PRKCI: variants seen among roughly 807,000 people sequenced by gnomAD.
PRKCI encodes protein kinase C iota.
PRKCI carries 43 observed loss-of-function variants against 84.0 expected under a neutral mutation model. That is an observed-to-expected ratio of 0.51 (90% CI 0.40 to 0.66). The LOEUF (loss-of-function observed/expected upper bound fraction) is 0.66. Among genes scored for constraint, PRKCI ranks in the 30% least tolerant of loss-of-function variants. The pLI is 0.00. For missense variants in PRKCI, 459 were observed against 745.6 expected (o/e 0.62, Z 4.48); for synonymous variants, 216 against 234.4 (o/e 0.92, Z 0.72).
At chr3:170,237,100 G>T (rs1188434557) in intron 2 of PRKCI, among the ~76,000 whole-genome samples, 1 of 152,176 alleles carries the variant, frequency 6.6e-6, no homozygotes, top group Non-Finnish European at 1.5e-5. Context: ...AGTTTTTGAG[G>T]TAGAGGAGGT....
intron 1 of PRKCI, among the ~76,000 whole-genome samples, chr3:170,232,695 G>A (rs1472236081): frequency 1.3e-5 from 2 of 151,858 alleles, no homozygotes; most frequent in East Asian, 3.9e-4. Flanking sequence ...CTGGGACTAC[G>A]CTATGCTTGG....
intron 3 of PRKCI, 121 bp downstream of exon 3, chr3:170,260,179 T>A: frequency 3.3e-6 from 2 of 611,440 alleles, no homozygotes; most frequent in Non-Finnish European, 5.5e-6. Flanking sequence ...GACTCATGCC[T>A]AAGTAATTGT....
Position 170,295,897 on chromosome 3 carries a change from T to G in PRKCI, c.1418-14T>G. ...TAAAAGTTAAATATAATACTATAAT[T>G]TTTATCTTTCTAGTTATTTTGGAAA... On this transcript the variant is annotated splice_polypyrimidine_tract_variant and intron_variant, in intron 14 of 17. Coordinates refer to ENST00000295797, the MANE Select transcript of PRKCI (RefSeq NM_002740.6). The G allele has an allele frequency of 6.8e-7, 1 of 1,479,856 alleles. No homozygotes were observed. The highest frequency in any genetic ancestry group is 1.3e-5 in the South Asian group (1 of 78,886). The allele number at this position is 1,479,856 out of a possible 1,614,324, so 91.7% of individuals were successfully genotyped here. A position where few individuals can be genotyped will look rare whatever the true frequency, so the allele number is the denominator to read the frequency against.
chr3:170,258,369 A>G (rs1378810438), intron 2 of PRKCI, among the ~76,000 whole-genome samples: 1 of 151,322 alleles, frequency 6.6e-6, no homozygotes, highest in African/African-American at 2.4e-5. Context: ...TCAGTAGCAC[A>G]ATCTTGACTC....
chr3:170,246,959 T>G (rs1242915557), intron 2 of PRKCI, among the ~76,000 whole-genome samples: 2 of 150,960 alleles, frequency 1.3e-5, no homozygotes. Flanking sequence ...GAAGTTTTTG[T>G]TTTTTTTTCT....
chr3:170,227,553 A>AT (rs1423879999), intron 1 of PRKCI, among the ~76,000 whole-genome samples: 21 of 152,174 alleles, frequency 1.4e-4, no homozygotes. Flanking sequence ...CTGGTGAATA[A>AT]TGATGTTAGG....
At chr3:170,270,048 T>G (rs9839371) in intron 5 of PRKCI, among the ~76,000 whole-genome samples, 12,344 of 152,202 alleles carry the variant, frequency 0.081, 1,203 homozygotes, top group African/African-American at 0.23. Flanking sequence ...CAGAGCTTTG[T>G]TTTGACCTCT....
At chr3:170,289,909 T>G (rs1468916447) in intron 12 of PRKCI, among the ~76,000 whole-genome samples, 1 of 149,294 alleles carries the variant, frequency 6.7e-6, no homozygotes, top group Non-Finnish European at 1.5e-5. Context: ...AAACTCCATC[T>G]TAAAAGAAGA....
chr3:170,275,165 T>C, intron 7 of PRKCI, 64 bp from the exon 8 acceptor site: 2 of 1,442,864 alleles, frequency 1.4e-6, no homozygotes, highest in Non-Finnish European at 1.8e-6. Flanking sequence ...TCATTAATGG[T>C]TGCTGTTTTT....
chr3:170,294,992 T>TTACCTTCA (rs2108866528), intron 14 of PRKCI, among the ~76,000 whole-genome samples: 1 of 149,970 alleles, frequency 6.7e-6, no homozygotes, highest in South Asian at 2.1e-4. Flanking sequence ...GGCGGATCAC[T>TTACCTTCA]TGAGGTTAGG....
intron 6 of PRKCI, among the ~76,000 whole-genome samples, chr3:170,271,799 T>C (rs1163543537): frequency 6.6e-6 from 1 of 152,144 alleles, no homozygotes; most frequent in Non-Finnish European, 1.5e-5. Flanking sequence ...CAGAGGGTTG[T>C]TTATCCACCA....
chr3:170,289,643 T>C (rs1378088596), intron 12 of PRKCI, among the ~76,000 whole-genome samples: 1 of 151,862 alleles, frequency 6.6e-6, no homozygotes, highest in Non-Finnish European at 1.5e-5. Flanking sequence ...CTCGGCACAG[T>C]GGCTCACTCC....
chr3:170,224,296 T>C (rs1732574361), intron 1 of PRKCI, among the ~76,000 whole-genome samples: 1 of 152,116 alleles, frequency 6.6e-6, no homozygotes, highest in Non-Finnish European at 1.5e-5. Flanking sequence ...ATGATAACTT[T>C]GTGTTTAAGC....
At chr3:170,295,053 T>TA (rs1378620095) in intron 14 of PRKCI, among the ~76,000 whole-genome samples, 3 of 148,388 alleles carry the variant, frequency 2.0e-5, no homozygotes, top group East Asian at 2.0e-4. Context: ...CTACTAAAAA[T>TA]AAAAAAAAAT....
chr3:170,225,299 G>T (rs1030225797), intron 1 of PRKCI, among the ~76,000 whole-genome samples: 7 of 152,140 alleles, frequency 4.6e-5, no homozygotes, highest in African/African-American at 1.7e-4. Flanking sequence ...TAGATGTTAA[G>T]ATTATGTGTT....
At chr3:170,267,002 A>G (rs1316492008) in intron 4 of PRKCI, among the ~76,000 whole-genome samples, 2 of 152,138 alleles carry the variant, frequency 1.3e-5, no homozygotes, top group Non-Finnish European at 2.9e-5. Context: ...CAAAAAAGAA[A>G]GTCACTTTGA....
rs2108865726 is a variant in PRKCI, at chr3:170,293,302, CT to C, written c.1292-78del. The stretch of plus-strand genomic sequence containing the variant: ...TTTACTTTTTCATTGTTTCTTTTTC[CT>C]TTATGTGATAAAATTTCCAGTTACT... On this transcript the variant is annotated intron_variant, in intron 13 of 17. Transcript: ENST00000295797. 1.2e-5 allele frequency: 16 copies of C among 1,371,324 alleles called. 1 individual carries two copies. In the South Asian group the frequency reaches 1.8e-4, roughly 16 times the overall value. 84.9% of individuals were successfully genotyped at this position (1,371,324 alleles called of 1,614,324 possible).
At chr3:170,284,314 AG>A in intron 11 of PRKCI, 146 bp from the exon 12 acceptor site, 1 of 631,290 alleles carries the variant, frequency 1.6e-6, no homozygotes, top group South Asian at 2.4e-5. Context: ...GATGTTTTAA[AG>A]TGGTACTTCA....
intron 5 of PRKCI, among the ~76,000 whole-genome samples, chr3:170,269,166 C>T (rs1409989170): frequency 6.6e-6 from 1 of 152,178 alleles, no homozygotes; most frequent in Non-Finnish European, 1.5e-5. Context: ...CCGTCCGCCT[C>T]GGCCTCCCAA....
Sources: gnomAD v4.1 joint callset for allele counts (sites outside exome capture counted in the v4.1 genomes callset) on GRCh38, gnomAD v4.1.1 for gene constraint, MANE v1.5 for transcripts, NCBI Gene and HGNC (gene_info 2026-07-23, HGNC 2026-07-21) for gene names.